SREBF1: variants seen among roughly 807,000 people sequenced by gnomAD.
SREBF1 encodes sterol regulatory element binding transcription factor 1, also known as sterol regulatory element-binding protein 1.
Under a neutral mutation model 100.1 loss-of-function variants are expected in SREBF1, and 45 were observed. That is an observed-to-expected ratio of 0.45 (90% CI 0.35 to 0.58). The LOEUF (loss-of-function observed/expected upper bound fraction) is 0.58, where lower values mean the gene tolerates loss of function less well. SREBF1 is among the 20% of genes least tolerant of loss of function. The pLI, the probability that SREBF1 is intolerant of heterozygous loss-of-function variation, is 0.00. For missense variants in SREBF1, 1,324 were observed against 1,539.4 expected (o/e 0.86, Z 2.34); for synonymous variants, 657 against 681.8 (o/e 0.96, Z 0.57).
intron 1 of SREBF1, among the ~76,000 whole-genome samples, chr17:17,826,620 C>G (rs985313247): frequency 6.6e-6 from 1 of 152,212 alleles, no homozygotes; most frequent in South Asian, 2.1e-4. Flanking sequence ...CCACCCCTCC[C>G]CAAGCCTGGG....
chr17:17,813,791 GGGGTCACC>G, intron 16 of SREBF1, 22 bp from the exon 17 acceptor site: 1 of 1,534,932 alleles, frequency 6.5e-7, no homozygotes, highest in Non-Finnish European at 8.7e-7. Context: ...AGGCAGGGCA[GGGGTCACC>G]AGGGCTCCAG....
At chr17:17,816,775 C>A (rs1370361432) in intron 9 of SREBF1, 57 bp from the exon 10 acceptor site, 2 of 1,567,084 alleles carry the variant, frequency 1.3e-6, no homozygotes, top group Middle Eastern at 2.2e-4. Context: ...TGCCCCAAAG[C>A]TCAGAAGAGC....
intron 1 of SREBF1, among the ~76,000 whole-genome samples, chr17:17,834,421 T>TG (rs1487655093): frequency 6.6e-6 from 1 of 152,248 alleles, no homozygotes; most frequent in African/African-American, 2.4e-5. Context: ...TTTGCTCACT[T>TG]GCATTTTCTA....
intron 1 of SREBF1, chr17:17,823,387 C>G: frequency 2.6e-6 from 2 of 771,692 alleles, no homozygotes; most frequent in Admixed American, 3.9e-5. Flanking sequence ...TGGTAACTGT[C>G]ACACCTTCTC....
intron 12 of SREBF1, chr17:17,815,577 A>C: frequency 1.7e-6 from 1 of 595,782 alleles, no homozygotes; most frequent in Non-Finnish European, 3.0e-6. Context: ...CCGACTTGAG[A>C]AGATGCCATT....
intron 18 of SREBF1, chr17:17,813,146 TGA>T: frequency 3.3e-6 from 2 of 600,250 alleles, no homozygotes; most frequent in African/African-American, 1.9e-5. Context: ...TTTTTTTTTT[TGA>T]GACAGGGACT....
intron 6 of SREBF1, 28 bp downstream of exon 6, chr17:17,818,232 A>G: frequency 6.3e-7 from 1 of 1,588,872 alleles, no homozygotes; most frequent in Non-Finnish European, 8.6e-7. Flanking sequence ...AAGAGGCCAG[A>G]CTGGAGCTCA....
At chr17:17,822,041 C>T (rs1327083188) in intron 1 of SREBF1, among the ~76,000 whole-genome samples, 1 of 152,160 alleles carries the variant, frequency 6.6e-6, no homozygotes, top group Non-Finnish European at 1.5e-5. Flanking sequence ...GAGTCCAGAC[C>T]CTATTTTGAC....
intron 1 of SREBF1, chr17:17,823,591 C>T: frequency 6.2e-7 from 1 of 1,612,840 alleles, no homozygotes; most frequent in East Asian, 2.2e-5. Flanking sequence ...CCCTACCCCT[C>T]CCCGCGCCGA....
At position 17,824,490 on chromosome 17, in the gene SREBF1, C is replaced by T. The variant is rs1348477788; in HGVS notation, c.92-3969G>A. Among the ~76,000 whole-genome samples the T allele has an allele frequency of 6.6e-6, 1 of 152,146 alleles. No individual in the cohort carries two copies. Among genetic ancestry groups the T allele is most frequent in the East Asian group, 1.9e-4 (1 of 5,204 alleles). On this transcript the variant is annotated intron_variant, in intron 1 of 18. Coordinates refer to ENST00000261646, the MANE Select transcript of SREBF1 (RefSeq NM_004176.5). The surrounding 1 kb of genome is among the most constrained non-coding windows in gnomAD (Gnocchi z 4.2). ...TGGGAAGCCAGGAAGGGCTGCAGTC[C>T]CTAGGACAGAAGATGGGTAAGGAAG...
intron 1 of SREBF1, among the ~76,000 whole-genome samples, chr17:17,836,476 G>A (rs2035244433): frequency 6.6e-6 from 1 of 152,184 alleles, no homozygotes; most frequent in African/African-American, 2.4e-5. Flanking sequence ...ACGTGTCCCG[G>A]CCCGGAGCCG....
intron 1 of SREBF1, among the ~76,000 whole-genome samples, chr17:17,832,296 G>GT (rs2034907283): frequency 1.3e-5 from 2 of 152,192 alleles, no homozygotes; most frequent in Admixed American, 6.5e-5. Flanking sequence ...CTGAAACACA[G>GT]TAAGTACTCA....
At position 17,823,690 on chromosome 17, in the gene SREBF1, AGCCCCGCCCCGCCTGCAGGTCCC is replaced by A. The variant is rs1189259506; in HGVS notation, c.92-3192_92-3170del. 21 of 745,272 alleles carry A rather than the reference AGCCCCGCCCCGCCTGCAGGTCCC, an allele frequency of 2.8e-5. No homozygotes were observed. The Admixed American group carries it at 6.6e-4, about 23-fold the overall frequency. The allele number at this position is 745,272 out of a possible 1,614,324, so 46.2% of individuals were successfully genotyped here. A position where few individuals can be genotyped will look rare whatever the true frequency, so the allele number is the denominator to read the frequency against. On this transcript the variant is annotated intron_variant, in intron 1 of 18. Coordinates refer to ENST00000261646, the MANE Select transcript of SREBF1 (RefSeq NM_004176.5). Reference sequence around the variant, plus strand: ...CCCGCCCCGCCCCCAGCCCCGCCCCAGCCCCGCCCCGCCTGCAGGTCCCGCCCCGCCCCGCCCTTCGGGGCTGC... The same window carrying A: ...CCCGCCCCGCCCCCAGCCCCGCCCCAGCCCCGCCCCGCCCTTCGGGGCTGC...
chr17:17,817,449 T>A lies in SREBF1; in HGVS notation c.1413A>T (p.Pro471=). ...SPVFEDSKAK[P]EQRPSLHSRG... ...GGCTGTGCAGAGACGGCCGCTGCTC[T>A]GGCTTTGCCTGGTGGGGTTGGGCAG... Residue 471 remains proline (P), a synonymous_variant, in exon 8 of 19, where the codon CCA becomes CCT. Transcript: ENST00000261646. This position sits in a 1 kb window ranked among gnomAD's most constrained non-coding sequence, Gnocchi z 6.6. 6.3e-7 allele frequency: 1 copy of A among 1,581,242 alleles called. No individual in the cohort carries two copies. The highest frequency in any genetic ancestry group is 1.1e-5 in the South Asian group (1 of 87,156).
At chr17:17,813,850 CGGCT>C in intron 16 of SREBF1, 81 bp from the exon 17 acceptor site, 1 of 1,398,448 alleles carries the variant, frequency 7.2e-7, no homozygotes. Flanking sequence ...TGCCAGGGGC[CGGCT>C]CCGGGCTGCA....
chr17:17,820,179 A>C lies in SREBF1; in HGVS notation c.434T>G (p.Leu145Arg), dbSNP rs758208302. ...PTPQPLPGAL[L>R]PQSFPAPAPP... ...GGCTGGGGCTGGGAAGCTCTGTGGC[A>C]GGAGGGCCCCTGGCAGGGGCTGTGG... Residue 145 changes from leucine to arginine, a missense_variant, in exon 2 of 19, where the codon CTG becomes CGG. Coordinates refer to ENST00000261646, the MANE Select transcript of SREBF1 (RefSeq NM_004176.5). The C allele has an allele frequency of 3.6e-5, 58 of 1,613,178 alleles. No homozygotes were observed. The highest frequency in any genetic ancestry group is 1.3e-5 in the African/African-American group (1 of 74,894).
At chr17:17,829,205 A>AAATATATATATATATAT (rs1210718799) in intron 1 of SREBF1, among the ~76,000 whole-genome samples, 2 of 65,850 alleles carry the variant, frequency 3.0e-5, no homozygotes, top group African/African-American at 1.8e-4. Flanking sequence ...AAAAAAAAAA[A>AAATATATATATATATAT]ATATATATAT....
chr17:17,817,595 T>C lies in SREBF1; in HGVS notation c.1404+101A>G, dbSNP rs2033732502. On this transcript the variant is annotated intron_variant, in intron 7 of 18. Transcript: ENST00000261646. The surrounding 1 kb of genome is among the most constrained non-coding windows in gnomAD (Gnocchi z 6.6). ...CTCCAGGCCTCAGTTATTCTGTCTA[T>C]GAAATGGGAGGTAGGATCTGTTAGG... 1 of 1,550,450 alleles carries C rather than the reference T, an allele frequency of 6.4e-7. No homozygotes were observed. Among genetic ancestry groups the C allele is most frequent in the African/African-American group, 1.4e-5 (1 of 73,500 alleles).
At position 17,814,236 on chromosome 17, in the gene SREBF1, AC is replaced by A; in HGVS notation, c.2901+8del. The A allele has an allele frequency of 6.2e-7, 1 of 1,601,702 alleles. No homozygotes were observed. ...CCAGCCCTGCCAGGCCCCTGACCCC[AC>A]CCCTCACCTTGTCAATGGAGCTGCT... is the stretch of plus-strand genomic sequence containing the variant. On this transcript the variant is annotated splice_region_variant and intron_variant, in intron 16 of 18. Coordinates refer to ENST00000261646, the MANE Select transcript of SREBF1 (RefSeq NM_004176.5).
Sources: gnomAD v4.1 joint callset for allele counts (sites outside exome capture counted in the v4.1 genomes callset) on GRCh38, gnomAD v4.1.1 for gene constraint, Gnocchi (gnomAD v3.1) non-coding constraint, MANE v1.5 for transcripts, NCBI Gene and HGNC (gene_info 2026-07-23, HGNC 2026-07-21) for gene names.